GRID2: variants seen among roughly 807,000 people sequenced by gnomAD.
GRID2 encodes glutamate receptor ionotropic, delta-2.
In GRID2, 33 loss-of-function variants were observed where a neutral mutation model predicts 114.8. The observed-to-expected ratio is 0.29, with a 90% CI of 0.22 to 0.38. The LOEUF (loss-of-function observed/expected upper bound fraction) is 0.38. Among genes scored for constraint, GRID2 ranks in the 10% least tolerant of loss-of-function variants. The pLI, the probability that GRID2 is intolerant of heterozygous loss-of-function variation, is 1.00. For missense variants in GRID2, 1,184 were observed against 1,257.7 expected (o/e 0.94, Z 0.89); for synonymous variants, 505 against 449.9 (o/e 1.12, Z -1.55).
chr4:93,079,533 C>T lies in GRID2; in HGVS notation c.245-5462C>T, dbSNP rs1379023320. ...ATTTATTTTGTAGTTCTTCATGGCC[C>T]AGACATTCTAATCTAAGTCAGGTTT... On this transcript the variant is annotated intron_variant, in intron 2 of 15. Coordinates refer to ENST00000282020, the MANE Select transcript of GRID2 (RefSeq NM_001510.4). Among the ~76,000 whole-genome samples, 3 of 151,772 alleles carry T rather than the reference C, an allele frequency of 2.0e-5. No individual in the cohort carries two copies. The East Asian group carries it at 5.8e-4, about 29-fold the overall frequency.
intron 2 of GRID2, among the ~76,000 whole-genome samples, chr4:92,663,548 G>A (rs1158055658): frequency 1.3e-5 from 2 of 151,000 alleles, no homozygotes; most frequent in African/African-American, 4.8e-5. Flanking sequence ...CTAATATTGT[G>A]TCATTTTTTG....
intron 4 of GRID2, among the ~76,000 whole-genome samples, chr4:93,171,766 T>C (rs547763760): frequency 6.6e-6 from 1 of 152,310 alleles, no homozygotes; most frequent in East Asian, 1.9e-4. Flanking sequence ...GAAATAATGC[T>C]CAGTATCGCT....
intron 14 of GRID2, among the ~76,000 whole-genome samples, chr4:93,741,177 ATATATATATATATATATATATATG>A (rs879734110): frequency 0.077 from 2,238 of 28,938 alleles, 84 homozygotes; most frequent in Middle Eastern, 0.21. Context: ...ATATATACAT[ATATATATATATATATATATATATG>A]TATATATATA....
At chr4:92,876,281 T>G (rs1303571659) in intron 2 of GRID2, among the ~76,000 whole-genome samples, 1 of 148,710 alleles carries the variant, frequency 6.7e-6, no homozygotes, top group Admixed American at 6.7e-5. Context: ...TTTTTTTTAT[T>G]ATTTTATTTA....
Position 92,799,197 on chromosome 4 carries a change from C to T in GRID2, c.244+208911C>T, listed in dbSNP as rs149336773. Among the ~76,000 whole-genome samples, 856 of 152,116 alleles carry T rather than the reference C, an allele frequency of 5.6e-3. 13 individuals are homozygous for T. Among genetic ancestry groups the T allele is most frequent in the African/African-American group, 0.02 (820 of 41,544 alleles). ...GCTGTGATGGGAGACAGTGACAGAT[C>T]ACCCGGCATTAGATTCTCAGATTCT... On this transcript the variant is annotated intron_variant, in intron 2 of 15. Coordinates refer to ENST00000282020, the MANE Select transcript of GRID2 (RefSeq NM_001510.4).
chr4:93,080,849 A>C (rs1031681366), intron 2 of GRID2, among the ~76,000 whole-genome samples: 2 of 152,194 alleles, frequency 1.3e-5, no homozygotes, highest in African/African-American at 4.8e-5. Context: ...GAGGCTGGGA[A>C]GTCAAGATCA....
intron 8 of GRID2, among the ~76,000 whole-genome samples, chr4:93,326,514 A>G (rs1757852306): frequency 6.6e-6 from 1 of 152,086 alleles, no homozygotes; most frequent in Non-Finnish European, 1.5e-5. Flanking sequence ...TCTCCAATAG[A>G]GAATAGAAGG....
intron 2 of GRID2, among the ~76,000 whole-genome samples, chr4:92,984,580 C>A (rs1278238677): frequency 6.6e-6 from 1 of 152,146 alleles, no homozygotes; most frequent in Non-Finnish European, 1.5e-5. Context: ...TCACCATAAA[C>A]CTCCGAGGTA....
intron 3 of GRID2, among the ~76,000 whole-genome samples, chr4:93,106,487 C>T (rs879925129): frequency 3.3e-5 from 5 of 152,150 alleles, no homozygotes; most frequent in Non-Finnish European, 7.4e-5. Context: ...GCTGGGACGA[C>T]GAGCATGCAC....
intron 13 of GRID2, among the ~76,000 whole-genome samples, chr4:93,555,732 T>C (rs1187999228): frequency 2.0e-5 from 3 of 152,178 alleles, no homozygotes; most frequent in Non-Finnish European, 2.9e-5. Flanking sequence ...GCAACAGATC[T>C]CCCAGCACAG....
chr4:92,396,696 A>G (rs564367895), intron 1 of GRID2, among the ~76,000 whole-genome samples: 1 of 152,082 alleles, frequency 6.6e-6, no homozygotes, highest in Non-Finnish European at 1.5e-5. Flanking sequence ...AAGCAAGACA[A>G]TATCTTTTAT....
At chr4:92,312,690 A>G (rs1196837790) in intron 1 of GRID2, among the ~76,000 whole-genome samples, 1 of 152,100 alleles carries the variant, frequency 6.6e-6, no homozygotes, top group East Asian at 1.9e-4. Flanking sequence ...CCTGAAATTA[A>G]GAGGTGAGTT....
chr4:92,955,799 T>C (rs949552108), intron 2 of GRID2, among the ~76,000 whole-genome samples: 1 of 152,228 alleles, frequency 6.6e-6, no homozygotes, highest in Admixed American at 6.5e-5. Context: ...TTGTATAAGG[T>C]GTAAGGAAGG....
chr4:92,643,569 G>A (rs989403208), intron 2 of GRID2, among the ~76,000 whole-genome samples: 6 of 151,702 alleles, frequency 4.0e-5, no homozygotes, highest in Admixed American at 2.0e-4. Context: ...AATCAAGAAC[G>A]CAATCTCATT....
intron 2 of GRID2, among the ~76,000 whole-genome samples, chr4:92,941,841 A>T (rs978188016): frequency 1.1e-4 from 16 of 152,190 alleles, no homozygotes; most frequent in Non-Finnish European, 2.4e-4. Flanking sequence ...GTAGTCATTC[A>T]GGAGCAGGTT....
intron 2 of GRID2, among the ~76,000 whole-genome samples, chr4:92,947,807 A>G (rs1751751043): frequency 6.6e-6 from 1 of 151,884 alleles, no homozygotes; most frequent in African/African-American, 2.4e-5. Context: ...TGGCATCTGC[A>G]TCATATATAT....
At chr4:93,000,082 G>A (rs1398579563) in intron 2 of GRID2, among the ~76,000 whole-genome samples, 1 of 151,436 alleles carries the variant, frequency 6.6e-6, no homozygotes, top group Non-Finnish European at 1.5e-5. Flanking sequence ...GTATCCTCAG[G>A]GCTTTAAGAA....
Position 93,769,695 on chromosome 4 carries a change from A to G in GRID2, c.2601+245A>G, listed in dbSNP as rs867999142. Among the ~76,000 whole-genome samples the G allele has an allele frequency of 2.0e-5, 3 of 152,204 alleles. No homozygotes were observed. The South Asian group carries it at 6.2e-4, about 32-fold the overall frequency. On this transcript the variant is annotated intron_variant, in intron 15 of 15. Coordinates refer to ENST00000282020, the MANE Select transcript of GRID2 (RefSeq NM_001510.4). ...AAGACTTAGAAATTCATATACCATA[A>G]TGGGCTTTGAAATTCTCTCAAATCT...
chr4:93,733,400 C>CA (rs1730656634), intron 14 of GRID2, among the ~76,000 whole-genome samples: 1 of 152,150 alleles, frequency 6.6e-6, no homozygotes, highest in Non-Finnish European at 1.5e-5. Context: ...CAAAGTAGAT[C>CA]AAAACTAGTT....
Sources: gnomAD v4.1 joint callset for allele counts (sites outside exome capture counted in the v4.1 genomes callset) on GRCh38, gnomAD v4.1.1 for gene constraint, MANE v1.5 for transcripts, NCBI Gene and HGNC (gene_info 2026-07-23, HGNC 2026-07-21) for gene names.